The following MTSS1 variants were observed in gnomAD, a reference collection of about 807,000 sequenced individuals.
MTSS1 encodes MTSS I-BAR domain containing 1.
MTSS1 carries 18 observed loss-of-function variants against 79.0 expected under a neutral mutation model. That is an observed-to-expected ratio of 0.23 (90% CI 0.16 to 0.34). MTSS1 has a LOEUF of 0.34. MTSS1 is among the 10% of genes least tolerant of loss of function. The pLI is 1.00. For synonymous variants in MTSS1, 341 were observed against 368.6 expected, an observed-to-expected ratio of 0.93 and a Z score of 0.86; for missense variants, 815 against 986.2, an observed-to-expected ratio of 0.83 and a Z score of 2.33.
chr8:124,608,204 C>G (rs537855307), intron 3 of MTSS1, among the ~76,000 whole-genome samples: 70 of 152,138 alleles, frequency 4.6e-4, no homozygotes, highest in African/African-American at 1.5e-3. Flanking sequence ...TCTTCCAGTT[C>G]TCCTTCTCCT....
chr8:124,572,022 G>A (rs982445842), intron 6 of MTSS1, among the ~76,000 whole-genome samples: 1 of 151,936 alleles, frequency 6.6e-6, no homozygotes, highest in African/African-American at 2.4e-5. Context: ...GTCAGAAATT[G>A]GAAAAATGTA....
chr8:124,610,727 G>A (rs1447960129), intron 3 of MTSS1, among the ~76,000 whole-genome samples: 2 of 152,160 alleles, frequency 1.3e-5, no homozygotes, highest in Non-Finnish European at 2.9e-5. Context: ...AATCATCCCT[G>A]GAGTGAGGTG....
intron 3 of MTSS1, among the ~76,000 whole-genome samples, chr8:124,695,319 C>T (rs184522867): frequency 6.8e-6 from 1 of 147,296 alleles, no homozygotes; most frequent in East Asian, 2.0e-4. Flanking sequence ...CCTCCTACCA[C>T]TTCCATCAAG....
At chr8:124,653,910 A>G (rs553545247) in intron 3 of MTSS1, among the ~76,000 whole-genome samples, 6 of 152,376 alleles carry the variant, frequency 3.9e-5, no homozygotes, top group African/African-American at 1.2e-4. Flanking sequence ...GATGCCGGAA[A>G]CTTTAACTCA....
rs73341854 is a variant in MTSS1 at position 124,604,274 on chromosome 8, A to G, written c.209-13039T>C. ...AAAACCGTTTCAAGAAAGTTGATGA[A>G]TTTGTGTTGGGCCACATTCAAAACC... On this transcript the variant is annotated intron_variant, in intron 3 of 13. Transcript: ENST00000518547. 2.1e-3 allele frequency among the ~76,000 whole-genome samples: 315 copies of G among 152,270 alleles called. 2 individuals carry two copies. The highest frequency in any genetic ancestry group is 7.3e-3 in the African/African-American group (305 of 41,566).
At chr8:124,657,253 G>C (rs914806103) in intron 3 of MTSS1, among the ~76,000 whole-genome samples, 2 of 152,086 alleles carry the variant, frequency 1.3e-5, no homozygotes, top group Admixed American at 6.5e-5. Flanking sequence ...ACACAAAAAG[G>C]GGTTGGGCTG....
intron 13 of MTSS1, among the ~76,000 whole-genome samples, chr8:124,555,381 G>A (rs1823400878): frequency 6.6e-6 from 1 of 152,148 alleles, no homozygotes; most frequent in Non-Finnish European, 1.5e-5. Flanking sequence ...GAGTAGCTGG[G>A]ACTACAGGCG....
intron 3 of MTSS1, among the ~76,000 whole-genome samples, chr8:124,661,931 T>C (rs1197146928): frequency 6.6e-6 from 1 of 152,184 alleles, no homozygotes; most frequent in Non-Finnish European, 1.5e-5. Context: ...GTCCTTTGTG[T>C]CTAGCAGATA....
intron 3 of MTSS1, among the ~76,000 whole-genome samples, chr8:124,667,579 G>A (rs981686766): frequency 6.6e-6 from 1 of 152,180 alleles, no homozygotes; most frequent in Non-Finnish European, 1.5e-5. Context: ...GGGAAGCAAA[G>A]GTTGTGGTGA....
chr8:124,676,465 C>T (rs76981830), intron 3 of MTSS1, among the ~76,000 whole-genome samples: 1,555 of 152,320 alleles, frequency 0.01, 35 homozygotes, highest in African/African-American at 0.033. Context: ...TCCAAAGACT[C>T]TGAGCTCAAA....
At position 124,552,605 on chromosome 8, in the gene MTSS1, A is replaced by G. The variant is rs1465662143; in HGVS notation, c.*387T>C. ...ATCTACAAAAGCTTGTGGGGAAAAA[A>G]AAAGAAGAGTGAAGTATAGTAAATC... On this transcript the variant is annotated 3_prime_UTR_variant, in exon 14 of 14. Coordinates refer to ENST00000518547, the MANE Select transcript of MTSS1 (RefSeq NM_014751.6). 2.1e-5 allele frequency: 4 copies of G among 190,290 alleles called. No individual in the cohort carries two copies. Among genetic ancestry groups the G allele is most frequent in the Non-Finnish European group, 3.3e-5 (3 of 90,686 alleles). 11.8% of individuals were successfully genotyped at this position (190,290 alleles called of 1,614,324 possible). A position where few individuals can be genotyped will look rare whatever the true frequency, so the allele number is the denominator to read the frequency against.
At chr8:124,580,439 T>C in intron 6 of MTSS1, 1 of 1,188,140 alleles carries the variant, frequency 8.4e-7, no homozygotes, top group Non-Finnish European at 1.2e-6. Context: ...GTTGATTGTT[T>C]TGAGCTGGTA....
At chr8:124,563,041 G>T in intron 9 of MTSS1, 49 bp from the exon 10 acceptor site, 1 of 1,492,402 alleles carries the variant, frequency 6.7e-7, no homozygotes. Context: ...GGTAAAGAAA[G>T]GGGAGCAGTG....
chr8:124,715,996 C>T (rs1443854650), intron 1 of MTSS1, among the ~76,000 whole-genome samples: 2 of 152,248 alleles, frequency 1.3e-5, no homozygotes, highest in African/African-American at 4.8e-5. Flanking sequence ...GAATTCAACT[C>T]TGCTTTGATG....
intron 3 of MTSS1, among the ~76,000 whole-genome samples, chr8:124,664,049 A>G (rs1177287675): frequency 1.3e-5 from 2 of 152,222 alleles, no homozygotes; most frequent in African/African-American, 4.8e-5. Flanking sequence ...CAGGTCGGTG[A>G]GAAGACACTT....
chr8:124,577,496 C>G, intron 6 of MTSS1: 1 of 498,748 alleles, frequency 2.0e-6, no homozygotes. Context: ...GTGATCCTCC[C>G]AAAGTGCTGG....
At chr8:124,580,654 A>T (rs1484747753) in intron 6 of MTSS1, 4 of 1,441,474 alleles carry the variant, frequency 2.8e-6, no homozygotes, top group Non-Finnish European at 3.8e-6. Flanking sequence ...AAGCAGCAGC[A>T]GTCTTACCTT....
At chr8:124,687,056 A>G (rs1263873538) in intron 3 of MTSS1, among the ~76,000 whole-genome samples, 1 of 152,218 alleles carries the variant, frequency 6.6e-6, no homozygotes, top group African/African-American at 2.4e-5. Context: ...GAGGACCCAC[A>G]GTCAATGCTC....
rs1243232275 is a variant in MTSS1, at chr8:124,727,562, T to C, written c.72+322A>G. The C allele has an allele frequency of 1.9e-6, 1 of 515,326 alleles. No homozygotes were observed. The highest frequency in any genetic ancestry group is 2.3e-5 in the Admixed American group (1 of 44,150). The allele number at this position is 515,326 out of a possible 1,614,324, so 31.9% of individuals were successfully genotyped here. A position where few individuals can be genotyped will look rare whatever the true frequency, so the allele number is the denominator to read the frequency against. On this transcript the variant is annotated intron_variant, in intron 1 of 13. Coordinates refer to ENST00000518547, the MANE Select transcript of MTSS1 (RefSeq NM_014751.6). The surrounding 1 kb of genome is among the most constrained non-coding windows in gnomAD (Gnocchi z 4.7). ...CCCCCGCGGGTCCCAGACACTTACT[T>C]CAGGGACAGACAATGGGAAAACTTG...
Sources: allele counts gnomAD v4.1 joint callset (sites outside exome capture counted in the v4.1 genomes callset), GRCh38; gene constraint gnomAD v4.1.1; non-coding constraint Gnocchi (gnomAD v3.1); transcripts MANE v1.5; gene names NCBI Gene and HGNC (gene_info 2026-07-23, HGNC 2026-07-21).